PRH1: variants seen among roughly 807,000 people sequenced by gnomAD.
PRH1 encodes proline rich protein HaeIII subfamily 1, also known as salivary acidic proline-rich phosphoprotein 1/2.
PRH1 carries 7 observed loss-of-function variants against 7.9 expected under a neutral mutation model. That is an observed-to-expected ratio of 0.89 (90% confidence interval 0.50 to 1.67). The LOEUF (loss-of-function observed/expected upper bound fraction) is 1.67, where lower values mean the gene tolerates loss of function less well. Among genes scored for constraint, PRH1 ranks in the 40% most tolerant of loss-of-function variants. The pLI, the probability that PRH1 is intolerant of heterozygous loss-of-function variation, is 0.00. For missense variants in PRH1, 109 were observed against 223.6 expected, an observed-to-expected ratio of 0.49 and a Z score of 3.27; for synonymous variants, 45 against 80.8, an observed-to-expected ratio of 0.56 and a Z score of 2.38.
intron 2 of PRH1, among the ~76,000 whole-genome samples, chr12:10,953,294 C>T (rs1455084470): frequency 1.3e-5 from 2 of 151,656 alleles, no homozygotes; most frequent in East Asian, 3.9e-4. Flanking sequence ...ATGATTCAGA[C>T]CATGGATAGG....
intron 1 of PRH1, among the ~76,000 whole-genome samples, chr12:10,983,516 G>A (rs1392225584): frequency 6.6e-6 from 1 of 152,186 alleles, no homozygotes; most frequent in Non-Finnish European, 1.5e-5. Flanking sequence ...CCACACTGGG[G>A]GCATGAGGTT....
intron 1 of PRH1, among the ~76,000 whole-genome samples, chr12:11,081,724 A>C (rs117943081): frequency 0.028 from 2,855 of 102,890 alleles, 804 homozygotes; most frequent in South Asian, 0.043. Context: ...TTGTATTCAA[A>C]GAATTAATTT....
intron 2 of PRH1, among the ~76,000 whole-genome samples, chr12:10,896,490 G>A (rs10845231): frequency 0.5 from 75,327 of 151,876 alleles, 20,913 homozygotes; most frequent in East Asian, 0.72. Context: ...GGCCAGGCAC[G>A]GTGGCTCACG....
intron 1 of PRH1, among the ~76,000 whole-genome samples, chr12:10,977,917 A>G (rs1939176971): frequency 6.6e-6 from 1 of 152,186 alleles, no homozygotes; most frequent in Non-Finnish European, 1.5e-5. Flanking sequence ...TATGACACAG[A>G]CAAGTGGAAA....
chr12:11,030,594 A>G, intron 1 of PRH1: 4 of 1,614,268 alleles, frequency 2.5e-6, no homozygotes, highest in Non-Finnish European at 3.4e-6. Context: ...CTCCAAACTG[A>G]TATCATTATG....
chr12:10,909,577 G>A, intron 2 of PRH1: 1 of 384,964 alleles, frequency 2.6e-6, no homozygotes, highest in Non-Finnish European at 4.7e-6. Context: ...TTTCATAGAT[G>A]ATTATGCAGC....
rs74062426 is a variant in PRH1 at position 11,047,014 on chromosome 12, A to G, written c.-126+6T>C. On this transcript the variant is annotated splice_donor_region_variant and intron_variant, in intron 1 of 3. Transcript: ENST00000539853. ...TTTGAAAACACGTCTAAGTGCTTTG[A>G]CTCACCTCATATGGATAGATGGAGT... 4.0e-3 allele frequency: 2,029 copies of G among 505,568 alleles called. 36 individuals are homozygous for G. The highest frequency in any genetic ancestry group is 0.034 in the African/African-American group (1,768 of 51,788). The allele number at this position is 505,568 out of a possible 1,614,324, so 31.3% of individuals were successfully genotyped here.
At chr12:10,943,431 T>C (rs1228186690) in intron 2 of PRH1, among the ~76,000 whole-genome samples, 3 of 152,188 alleles carry the variant, frequency 2.0e-5, no homozygotes, top group African/African-American at 7.2e-5. Context: ...TGGTTGTTTT[T>C]CTCTTGTAAA....
intron 1 of PRH1, among the ~76,000 whole-genome samples, chr12:11,107,667 G>C (rs1945461830): frequency 6.6e-6 from 1 of 152,208 alleles, no homozygotes; most frequent in Admixed American, 6.5e-5. Flanking sequence ...GCACGAATCA[G>C]GATTCTATGG....
At chr12:11,163,542 C>T (rs543163541) in intron 1 of PRH1, among the ~76,000 whole-genome samples, 1 of 152,152 alleles carries the variant, frequency 6.6e-6, no homozygotes, top group African/African-American at 2.4e-5. Context: ...TAGTTTGAAA[C>T]TATTATATGC....
rs764321554 is a variant in PRH1, at chr12:11,077,603, T to G, written n.124-30415A>C. ...TTGGTGCTGAGATCTTGAGATCCTT[T>G]GCCATGGAGCTGCATCTTCTTGAGA... On this transcript the variant is annotated intron_variant and non_coding_transcript_variant, in intron 1 of 4. Transcript: ENST00000541977. The G allele has an allele frequency of 1.6e-5, 21 of 1,303,210 alleles. 7 individuals carry two copies. Among genetic ancestry groups the G allele is most frequent in the Non-Finnish European group, 2.3e-5 (21 of 907,252 alleles). The allele number at this position is 1,303,210 out of a possible 1,614,324, so 80.7% of individuals were successfully genotyped here. A position where few individuals can be genotyped will look rare whatever the true frequency, so the allele number is the denominator to read the frequency against.
chr12:11,061,308 G>A (rs1265015866), intron 1 of PRH1: 4 of 1,540,116 alleles, frequency 2.6e-6, no homozygotes, highest in African/African-American at 2.8e-5. Context: ...AATATAAAAT[G>A]CTTCATATAA....
upstream of PRH1, among the ~76,000 whole-genome samples, chr12:10,887,731 T>C (rs7137492): frequency 0.23 from 34,678 of 151,892 alleles, 4,022 homozygotes; most frequent in Non-Finnish European, 0.26. Flanking sequence ...AAAAATTATA[T>C]CTAAAGAAAT....
chr12:11,022,779 T>C (rs1228497873), intron 1 of PRH1, among the ~76,000 whole-genome samples: 1 of 152,148 alleles, frequency 6.6e-6, no homozygotes, highest in African/African-American at 2.4e-5. Context: ...AAGGTCATTA[T>C]TCTCAAAACA....
At position 11,030,658 on chromosome 12, in the gene PRH1, T is replaced by C. The variant is rs1277180697; in HGVS notation, c.-126+16362A>G. 3.1e-6 allele frequency: 5 copies of C among 1,614,190 alleles called. No homozygotes were observed. In the East Asian group the frequency reaches 1.1e-4, roughly 36 times the overall value. ...GGAAAAAGATCACAGTTTGCAAAGC[T>C]TTTATGTGGACCTTGGTGCTGGGAT... is the stretch of plus-strand genomic sequence containing the variant. On this transcript the variant is annotated intron_variant, in intron 1 of 3. Coordinates refer to the PRH1 transcript ENST00000539853.
intron 1 of PRH1, among the ~76,000 whole-genome samples, chr12:11,170,580 C>G (rs1315726715): frequency 6.6e-6 from 1 of 152,198 alleles, no homozygotes; most frequent in African/African-American, 2.4e-5. Flanking sequence ...TTTGGAAGTA[C>G]AGAGTAGTAT....
At chr12:10,929,426 G>C in intron 2 of PRH1, 4 of 1,510,126 alleles carry the variant, frequency 2.6e-6, no homozygotes, top group Non-Finnish European at 3.7e-6. Flanking sequence ...AAGAGAGGAG[G>C]ATGAGAAAAC....
rs115946342 is a variant in PRH1 at position 10,932,028 on chromosome 12, T to C, written c.-59+41627A>G. Among the ~76,000 whole-genome samples the C allele has an allele frequency of 4.6e-3, 698 of 152,338 alleles. 6 individuals carry two copies. The highest frequency in any genetic ancestry group is 0.016 in the African/African-American group (672 of 41,570). On this transcript the variant is annotated intron_variant, in intron 2 of 3. Coordinates refer to the PRH1 transcript ENST00000539853. Reference sequence around the variant, plus strand: ...ACAATAATCGTTTTTCGTCCTCATCTAAGCAACAGTTTAAAGCACATTACG... The same window carrying C: ...ACAATAATCGTTTTTCGTCCTCATCCAAGCAACAGTTTAAAGCACATTACG...
intron 1 of PRH1, among the ~76,000 whole-genome samples, chr12:11,142,895 C>T (rs1438633031): frequency 6.6e-6 from 1 of 152,026 alleles, no homozygotes; most frequent in Non-Finnish European, 1.5e-5. Flanking sequence ...TCCAAACCAA[C>T]AAAAGCTGAG....
Sources: gnomAD v4.1 joint callset for allele counts (sites outside exome capture counted in the v4.1 genomes callset) on GRCh38, gnomAD v4.1.1 for gene constraint, MANE v1.5 for transcripts, NCBI Gene and HGNC (gene_info 2026-07-23, HGNC 2026-07-21) for gene names.